The following DLGAP2 variants were observed in gnomAD, a reference collection of about 807,000 sequenced individuals.
DLGAP2 encodes the protein disks large-associated protein 2.
DLGAP2 carries 26 observed loss-of-function variants against 100.3 expected under a neutral mutation model. That is an observed-to-expected ratio of 0.26 (90% CI 0.19 to 0.36). DLGAP2 has a LOEUF of 0.36. Ranked by LOEUF, DLGAP2 falls within the 10% of genes least tolerant of loss-of-function variation. The probability of loss-of-function intolerance (pLI) is 1.00; values close to 1 mark genes in which losing one functional copy is unlikely to be tolerated. For synonymous variants in DLGAP2, 886 were observed against 630.1 expected, an observed-to-expected ratio of 1.41 and a Z score of -6.08; for missense variants, 1,858 against 1,453.2, an observed-to-expected ratio of 1.28 and a Z score of -4.53.
At chr8:1,104,219 C>A (rs1008698695) in intron 2 of DLGAP2, among the ~76,000 whole-genome samples, 3 of 152,112 alleles carry the variant, frequency 2.0e-5, no homozygotes, top group Non-Finnish European at 2.9e-5. Context: ...GAGCCTCAGA[C>A]AAGGTGGCTG....
intron 3 of DLGAP2, chr8:1,368,526 A>G (rs1175760274): frequency 6.6e-6 from 1 of 152,244 alleles, no homozygotes; most frequent in African/African-American, 2.4e-5. Flanking sequence ...AAATATTTAT[A>G]GAATATACCA....
intron 2 of DLGAP2, among the ~76,000 whole-genome samples, chr8:924,046 C>CA (rs1225345215): frequency 1.3e-5 from 2 of 152,192 alleles, no homozygotes; most frequent in Non-Finnish European, 2.9e-5. Flanking sequence ...ATGACAGCAT[C>CA]CATTGCGTAT....
intron 3 of DLGAP2, among the ~76,000 whole-genome samples, chr8:1,479,302 T>TC (rs1361228007): frequency 6.6e-6 from 1 of 152,238 alleles, no homozygotes; most frequent in Admixed American, 6.5e-5. Context: ...CAGAATAAGA[T>TC]GCTGGGCGCA....
chr8:1,305,841 T>C (rs989626336), intron 3 of DLGAP2, among the ~76,000 whole-genome samples: 12 of 152,228 alleles, frequency 7.9e-5, no homozygotes, highest in African/African-American at 2.9e-4. Flanking sequence ...GTTCTTCCTG[T>C]GAGGTCAGGA....
chr8:1,501,800 C>T (rs1799733555), intron 4 of DLGAP2, among the ~76,000 whole-genome samples: 3 of 152,192 alleles, frequency 2.0e-5, no homozygotes, highest in African/African-American at 7.2e-5. Context: ...CCTTCCTTGG[C>T]AGGAAGCAGC....
rs573078020 is a variant in DLGAP2, at chr8:1,422,794, C to T, written c.107-78572C>T. On this transcript the variant is annotated intron_variant, in intron 3 of 14. Transcript: ENST00000637795. ...TCGTTAGCAGGGGAAAGGCTGAGGG[C>T]ATGGGAGTGTTTCATCCACAAGCAG... is the stretch of plus-strand genomic sequence containing the variant. Among the ~76,000 whole-genome samples the T allele has an allele frequency of 2.6e-5, 4 of 152,192 alleles. No homozygotes were observed. In the South Asian group the frequency reaches 8.3e-4, roughly 32 times the overall value.
rs1319650394 is a variant in DLGAP2 at position 1,612,407 on chromosome 8, T to A, written c.1443-14333T>A. ...AAATCAATTCAAGATGGATTAAAGA[T>A]TTAAACGTTAGACCTAAAACCATAA... On this transcript the variant is annotated intron_variant, in intron 6 of 14. Transcript: ENST00000637795. Among the ~76,000 whole-genome samples the A allele has an allele frequency of 4.2e-5, 5 of 119,862 alleles. 1 individual carries two copies. In the Admixed American group the frequency reaches 4.5e-4, roughly 11 times the overall value. The allele number at this position is 119,862 out of a possible 152,430, so 78.6% of individuals were successfully genotyped here. A position where few individuals can be genotyped will look rare whatever the true frequency, so the allele number is the denominator to read the frequency against.
chr8:1,197,669 CA>C (rs1797780927), intron 2 of DLGAP2, among the ~76,000 whole-genome samples: 2 of 66,398 alleles, frequency 3.0e-5, no homozygotes, highest in Non-Finnish European at 5.5e-5. Context: ...GCATCTGGGC[CA>C]CCAGCTGTCC....
chr8:826,410 C>G lies in DLGAP2; in HGVS notation c.19-81502C>G, dbSNP rs184744865. 9.2e-4 allele frequency among the ~76,000 whole-genome samples: 140 copies of G among 152,310 alleles called. 1 individual carries two copies. Among genetic ancestry groups the G allele is most frequent in the African/African-American group, 3.3e-3 (137 of 41,562 alleles). ...CTGTCTTGGTCTTTATTATTTCCTT[C>G]CTTTCATTCACTTTGGTTTTAATTT... is the stretch of plus-strand genomic sequence containing the variant. On this transcript the variant is annotated intron_variant, in intron 1 of 14. Transcript: ENST00000637795.
chr8:1,318,978 C>G (rs371407186), intron 3 of DLGAP2, among the ~76,000 whole-genome samples: 1 of 152,124 alleles, frequency 6.6e-6, no homozygotes, highest in Non-Finnish European at 1.5e-5. Flanking sequence ...TCGACATAGT[C>G]TCTGTTTTAT....
At chr8:1,325,311 C>T (rs973846546) in intron 3 of DLGAP2, among the ~76,000 whole-genome samples, 17 of 152,342 alleles carry the variant, frequency 1.1e-4, no homozygotes, top group African/African-American at 4.1e-4. Context: ...AGTTCCCAAA[C>T]AACTTAGCAT....
At chr8:973,782 G>A (rs1584937671) in intron 2 of DLGAP2, among the ~76,000 whole-genome samples, 1 of 151,920 alleles carries the variant, frequency 6.6e-6, no homozygotes, top group Non-Finnish European at 1.5e-5. Context: ...GAGCGGAGGC[G>A]AATCCGGAGC....
intron 2 of DLGAP2, among the ~76,000 whole-genome samples, chr8:1,209,263 T>C (rs1798057198): frequency 6.6e-6 from 1 of 152,210 alleles, no homozygotes; most frequent in South Asian, 2.1e-4. Context: ...ACTATAAGGC[T>C]ATAATCACCA....
intron 3 of DLGAP2, among the ~76,000 whole-genome samples, chr8:1,290,547 C>A (rs951903646): frequency 6.6e-5 from 10 of 152,310 alleles, no homozygotes; most frequent in African/African-American, 1.9e-4. Flanking sequence ...ATAAAAGAGA[C>A]AAGTCACCCG....
At chr8:845,289 G>C (rs1396532649) in intron 1 of DLGAP2, among the ~76,000 whole-genome samples, 2 of 152,184 alleles carry the variant, frequency 1.3e-5, no homozygotes, top group Non-Finnish European at 2.9e-5. Flanking sequence ...GATTTCATCA[G>C]ATCCTCACCA....
At chr8:1,308,421 C>T (rs1253876957) in intron 3 of DLGAP2, among the ~76,000 whole-genome samples, 1 of 152,224 alleles carries the variant, frequency 6.6e-6, no homozygotes, top group Non-Finnish European at 1.5e-5. Context: ...TTTCCAGAGT[C>T]AGCCCCTTCT....
chr8:1,323,032 A>ATTTTT (rs368233603), intron 3 of DLGAP2, among the ~76,000 whole-genome samples: 1 of 142,436 alleles, frequency 7.0e-6, no homozygotes, highest in African/African-American at 2.6e-5. Flanking sequence ...TAAACTCACA[A>ATTTTT]TTTTTTTTTT....
At chr8:848,766 G>A (rs1328007235) in intron 1 of DLGAP2, among the ~76,000 whole-genome samples, 3 of 141,544 alleles carry the variant, frequency 2.1e-5, no homozygotes, top group East Asian at 2.1e-4. Flanking sequence ...CGTGCGGTGC[G>A]TGTTCCAGTG....
At chr8:1,376,339 A>G (rs1802386672) in intron 3 of DLGAP2, among the ~76,000 whole-genome samples, 2 of 152,206 alleles carry the variant, frequency 1.3e-5, no homozygotes, top group Non-Finnish European at 1.5e-5. Flanking sequence ...GCTCCTGTGC[A>G]CCGCAGTCCC....
Sources: gnomAD v4.1 joint callset for allele counts (sites outside exome capture counted in the v4.1 genomes callset) on GRCh38, gnomAD v4.1.1 for gene constraint, MANE v1.5 for transcripts, NCBI Gene and HGNC (gene_info 2026-07-23, HGNC 2026-07-21) for gene names.